TRDMT1: variants seen among roughly 807,000 people sequenced by gnomAD.
The protein encoded by TRDMT1 is tRNA (cytosine(38)-C(5))-methyltransferase.
In TRDMT1, 49 loss-of-function variants were observed where a neutral mutation model predicts 51.2. The observed-to-expected ratio is 0.96, with a 90% CI of 0.76 to 1.21. The LOEUF (loss-of-function observed/expected upper bound fraction) is 1.21, where lower values mean the gene tolerates loss of function less well. TRDMT1 is among the 50% of genes most tolerant of loss of function. TRDMT1 has a pLI of 0.00. For synonymous variants in TRDMT1, 187 were observed against 164.6 expected (o/e 1.14, Z -1.04); for missense variants, 534 against 462.3 (o/e 1.16, Z -1.42).
chr10:17,181,864 T>C (rs1229250832), intron 1 of TRDMT1, among the ~76,000 whole-genome samples: 1 of 152,224 alleles, frequency 6.6e-6, no homozygotes, highest in East Asian at 1.9e-4. Context: ...TTTTCTGTTT[T>C]ACCAGCATCT....
At chr10:17,197,839 C>A (rs1207656623) in intron 1 of TRDMT1, among the ~76,000 whole-genome samples, 2 of 152,102 alleles carry the variant, frequency 1.3e-5, no homozygotes, top group African/African-American at 2.4e-5. Flanking sequence ...TCGAGACCAG[C>A]CTGGCCAACA....
rs953674935 is a variant in TRDMT1, at chr10:17,145,233, C to G, written c.*3807G>C. The G allele has an allele frequency of 1.4e-5, 10 of 704,990 alleles. No homozygotes were observed. Among genetic ancestry groups the G allele is most frequent in the African/African-American group, 6.5e-5 (3 of 45,802 alleles). 43.7% of individuals were successfully genotyped at this position (704,990 alleles called of 1,614,324 possible). A position where few individuals can be genotyped will look rare whatever the true frequency, so the allele number is the denominator to read the frequency against. ...CTGCACTCCAGCCTAGGCAACAGAG[C>G]GAGACTCAGTCTCAAAAACAAAACA... On this transcript the variant is annotated 3_prime_UTR_variant, in exon 11 of 11. Transcript: ENST00000377799.
chr10:17,155,009 CAG>C (rs35244566), intron 8 of TRDMT1, among the ~76,000 whole-genome samples: 64,513 of 151,742 alleles, frequency 0.43, 13,940 homozygotes, highest in Middle Eastern at 0.51. Flanking sequence ...CACCTGAGGT[CAG>C]AGGAGTTCGA....
chr10:17,169,452 A>G, intron 2 of TRDMT1: 2 of 1,289,668 alleles, frequency 1.6e-6, no homozygotes, highest in Non-Finnish European at 2.0e-6. Context: ...AGTTGTGTGC[A>G]ATGAACTTCA....
chr10:17,191,291 T>C (rs1348773456), intron 1 of TRDMT1, among the ~76,000 whole-genome samples: 2 of 152,146 alleles, frequency 1.3e-5, no homozygotes, highest in African/African-American at 2.4e-5. Flanking sequence ...CAGTAATAAC[T>C]TATCAGATAT....
At chr10:17,169,010 A>G in intron 2 of TRDMT1, 93 bp from the exon 3 acceptor site, 1 of 825,998 alleles carries the variant, frequency 1.2e-6, no homozygotes, top group Non-Finnish European at 1.8e-6. Context: ...AATATATCAG[A>G]AACTGAAACA....
At chr10:17,194,015 C>G (rs1845045606) in intron 1 of TRDMT1, among the ~76,000 whole-genome samples, 1 of 152,138 alleles carries the variant, frequency 6.6e-6, no homozygotes, top group Non-Finnish European at 1.5e-5. Context: ...CACACACCTA[C>G]AGTCATCTGA....
intron 1 of TRDMT1, among the ~76,000 whole-genome samples, chr10:17,192,176 A>G (rs7091721): frequency 0.14 from 20,832 of 152,104 alleles, 1,508 homozygotes; most frequent in Admixed American, 0.17. Flanking sequence ...TCTGAAGGTA[A>G]AGCCTGTAGA....
At chr10:17,184,859 G>A (rs1174545908) in intron 1 of TRDMT1, among the ~76,000 whole-genome samples, 1 of 152,068 alleles carries the variant, frequency 6.6e-6, no homozygotes, top group Non-Finnish European at 1.5e-5. Flanking sequence ...CTTAGGGACA[G>A]TCTTATGGAA....
intron 1 of TRDMT1, chr10:17,201,340 C>T: frequency 2.0e-6 from 1 of 507,612 alleles, no homozygotes; most frequent in South Asian, 2.8e-5. Flanking sequence ...CTTTGAGGCG[C>T]CATGTGCGGC....
chr10:17,153,710 T>G, intron 9 of TRDMT1, 74 bp from the exon 10 acceptor site: 2 of 1,429,082 alleles, frequency 1.4e-6, no homozygotes, highest in Non-Finnish European at 1.9e-6. Flanking sequence ...GTGAGATAGT[T>G]GAAACTCGAT....
chr10:17,144,657 T>C lies in TRDMT1; in HGVS notation c.*4383A>G, dbSNP rs777949425. 2 of 985,300 alleles carry C rather than the reference T, an allele frequency of 2.0e-6. No individual in the cohort carries two copies. The highest frequency in any genetic ancestry group is 2.4e-6 in the Non-Finnish European group (2 of 829,852). The allele number at this position is 985,300 out of a possible 1,614,324, so 61.0% of individuals were successfully genotyped here. ...CTCATATTTCTTGAACAAATATATT[T>C]AAAAAGAAATAAATTCACAAGCTAA... On this transcript the variant is annotated 3_prime_UTR_variant, in exon 11 of 11. Transcript: ENST00000377799.
intron 1 of TRDMT1, among the ~76,000 whole-genome samples, chr10:17,199,119 C>A (rs191192811): frequency 8.4e-4 from 128 of 152,236 alleles, no homozygotes; most frequent in African/African-American, 2.9e-3. Context: ...TTAAAAACCA[C>A]CTGGAAAGGA....
intron 1 of TRDMT1, among the ~76,000 whole-genome samples, chr10:17,192,067 C>G (rs1234765742): frequency 1.3e-5 from 2 of 152,084 alleles, no homozygotes; most frequent in Non-Finnish European, 2.9e-5. Flanking sequence ...CCAAGCAAAT[C>G]CGGGCAGCGC....
chr10:17,182,116 G>T (rs1199017929), intron 1 of TRDMT1, among the ~76,000 whole-genome samples: 8 of 152,176 alleles, frequency 5.3e-5, no homozygotes, highest in Non-Finnish European at 4.4e-5. Context: ...ACTATTAATA[G>T]CAAGAGTAGC....
chr10:17,188,356 C>G (rs764014807), intron 1 of TRDMT1, among the ~76,000 whole-genome samples: 18 of 152,186 alleles, frequency 1.2e-4, no homozygotes, highest in Non-Finnish European at 1.5e-4. Context: ...CCAACCCTGT[C>G]AAGTGTTTAT....
intron 2 of TRDMT1, chr10:17,169,503 G>C (rs1254744516): frequency 7.8e-7 from 1 of 1,289,652 alleles, no homozygotes; most frequent in Non-Finnish European, 1.0e-6. Context: ...TTCCTAATGG[G>C]CTAAGTAGCT....
intron 1 of TRDMT1, among the ~76,000 whole-genome samples, chr10:17,198,034 C>CA (rs34756430): frequency 0.31 from 43,133 of 139,068 alleles, 6,446 homozygotes; most frequent in Middle Eastern, 0.4. Context: ...AACTCCATCT[C>CA]AAAAAAAAAA....
At chr10:17,151,179 T>A (rs1432833215) in intron 10 of TRDMT1, 1 of 799,298 alleles carries the variant, frequency 1.3e-6, no homozygotes, top group African/African-American at 1.9e-5. Flanking sequence ...CTGAAAGTGA[T>A]GGCAAATTAC....
Sources: allele counts gnomAD v4.1 joint callset (sites outside exome capture counted in the v4.1 genomes callset), GRCh38; gene constraint gnomAD v4.1.1; transcripts MANE v1.5; gene names NCBI Gene and HGNC (gene_info 2026-07-23, HGNC 2026-07-21).